Variants in ERG observed in about 807,000 individuals in gnomAD.
ERG encodes transcriptional regulator ERG.
A neutral mutation model predicts 55.3 loss-of-function variants in ERG; 9 were observed. The observed-to-expected ratio is 0.16, with a 90% CI of 0.10 to 0.28. The LOEUF is 0.28. Ranked by LOEUF, ERG falls within the 10% of genes least tolerant of loss-of-function variation. The pLI, the probability that ERG is intolerant of heterozygous loss-of-function variation, is 1.00. For synonymous variants in ERG, 223 were observed against 237.3 expected (o/e 0.94, Z 0.55); for missense variants, 434 against 631.6 (o/e 0.69, Z 3.35).
At chr21:38,582,346 T>C (rs2060035510) in intron 1 of ERG, among the ~76,000 whole-genome samples, 1 of 152,226 alleles carries the variant, frequency 6.6e-6, no homozygotes, top group African/African-American at 2.4e-5. Context: ...ATGTGCTAAC[T>C]TCCGGTAGTC....
intron 2 of ERG, among the ~76,000 whole-genome samples, chr21:38,542,209 C>T (rs575397485): frequency 1.8e-4 from 27 of 152,166 alleles, no homozygotes; most frequent in Admixed American, 1.6e-3. Flanking sequence ...AGGCTGGTCT[C>T]GAACTCCTGA....
chr21:38,383,716 T>C lies in ERG; in HGVS notation c.1127A>G (p.Asn376Ser), dbSNP rs762529914. Residue 376 changes from asparagine to serine, a missense_variant, in exon 10 of 10, where the codon AAC becomes AGC. This residue lies in a region of ERG where 13 missense variants were observed against 76.6 expected (regional missense o/e 0.17). Coordinates refer to ENST00000288319, the MANE Select transcript of ERG (RefSeq NM_182918.4). This position sits in a 1 kb window ranked among gnomAD's most constrained non-coding sequence, Gnocchi z 5.7. ...CTTCCCATGGACCTTGGTCATGATG[T>C]TCTTGTCATAGTAGTAACGGAGGGC... ...SRALRYYYDK[N>S]IMTKVHGKRY... The C allele has an allele frequency of 6.2e-7, 1 of 1,614,176 alleles. No homozygotes were observed. The highest frequency in any genetic ancestry group is 1.7e-5 in the Admixed American group (1 of 60,022).
chr21:38,492,567 A>C (rs1020077871), intron 1 of ERG, among the ~76,000 whole-genome samples: 1 of 152,210 alleles, frequency 6.6e-6, no homozygotes, highest in Non-Finnish European at 1.5e-5. Flanking sequence ...GTCACTGTTG[A>C]GGACACAGAA....
At chr21:38,635,322 T>C (rs2060381652) in intron 1 of ERG, among the ~76,000 whole-genome samples, 2 of 152,052 alleles carry the variant, frequency 1.3e-5, no homozygotes, top group African/African-American at 4.8e-5. Flanking sequence ...TCAAAACCCA[T>C]AAAACATACA....
intron 1 of ERG, among the ~76,000 whole-genome samples, chr21:38,633,526 G>A (rs2060369779): frequency 6.6e-6 from 1 of 152,100 alleles, no homozygotes; most frequent in African/African-American, 2.4e-5. Flanking sequence ...CGTTATCAAC[G>A]AATTCACATA....
intron 3 of ERG, among the ~76,000 whole-genome samples, chr21:38,416,217 T>C (rs766144244): frequency 1.3e-5 from 2 of 152,228 alleles, no homozygotes; most frequent in Admixed American, 6.5e-5. Context: ...TATTCTCTAA[T>C]GTAACTCAGC....
chr21:38,504,367 T>C (rs1026472500), intron 2 of ERG, among the ~76,000 whole-genome samples: 3 of 152,188 alleles, frequency 2.0e-5, no homozygotes, highest in Admixed American at 6.5e-5. Flanking sequence ...CTCAACTCCA[T>C]ATGACTTTAA....
At chr21:38,455,547 A>C (rs1601427246) in intron 1 of ERG, among the ~76,000 whole-genome samples, 1 of 152,170 alleles carries the variant, frequency 6.6e-6, no homozygotes, top group Non-Finnish European at 1.5e-5. Flanking sequence ...TTCAAAACAC[A>C]CAAAGGCTAA....
At chr21:38,591,418 C>T (rs1263363500) in intron 1 of ERG, among the ~76,000 whole-genome samples, 1 of 152,122 alleles carries the variant, frequency 6.6e-6, no homozygotes, top group African/African-American at 2.4e-5. Flanking sequence ...AGTGGCAGTT[C>T]AAAGAAAAGC....
At chr21:38,394,995 A>AGAGT (rs897311809) in intron 6 of ERG, among the ~76,000 whole-genome samples, 1 of 152,244 alleles carries the variant, frequency 6.6e-6, no homozygotes, top group Admixed American at 6.5e-5. Flanking sequence ...TATTCACAAA[A>AGAGT]TCCTTCATAT....
intron 1 of ERG, among the ~76,000 whole-genome samples, chr21:38,609,208 AGAAAATTTGCT>A (rs1183003488): frequency 1.3e-5 from 2 of 152,220 alleles, no homozygotes; most frequent in African/African-American, 4.8e-5. Flanking sequence ...GCAAAGGGGA[AGAAAATTTGCT>A]GAATGCACCA....
chr21:38,454,746 C>T (rs2058971998), intron 1 of ERG, among the ~76,000 whole-genome samples: 1 of 152,192 alleles, frequency 6.6e-6, no homozygotes, highest in African/African-American at 2.4e-5. Context: ...TTCTAACAAG[C>T]CAGATGCAAG....
chr21:38,421,109 T>C (rs1005003552), intron 3 of ERG, among the ~76,000 whole-genome samples: 67 of 152,190 alleles, frequency 4.4e-4, no homozygotes, highest in African/African-American at 1.5e-3. Context: ...CCTGGGACAT[T>C]TGTGTTTCTA....
intron 1 of ERG, among the ~76,000 whole-genome samples, chr21:38,612,174 A>G (rs1346010624): frequency 6.6e-6 from 1 of 152,220 alleles, no homozygotes; most frequent in Admixed American, 6.5e-5. Flanking sequence ...GTTCCAGTTC[A>G]CAAAAGAGGA....
At chr21:38,369,315 G>T in the ERG span, among the ~76,000 whole-genome samples, 1 of 152,130 alleles carries the variant, frequency 6.6e-6, no homozygotes, top group South Asian at 2.1e-4. Flanking sequence ...CATTCTGACT[G>T]GTGTTAGATG....
At chr21:38,388,375 G>A (rs1258469801) in intron 9 of ERG, among the ~76,000 whole-genome samples, 1 of 152,132 alleles carries the variant, frequency 6.6e-6, no homozygotes, top group Non-Finnish European at 1.5e-5. Flanking sequence ...AGAGATGTTG[G>A]GATGCTGACA....
intron 1 of ERG, among the ~76,000 whole-genome samples, chr21:38,606,413 C>T (rs1008152307): frequency 1.3e-5 from 2 of 152,122 alleles, no homozygotes; most frequent in Non-Finnish European, 2.9e-5. Context: ...GAGACACTTT[C>T]ATAGCTTACA....
chr21:38,392,565 CA>C, intron 6 of ERG, 121 bp from the exon 7 acceptor site: 9 of 634,802 alleles, frequency 1.4e-5, no homozygotes, highest in Non-Finnish European at 2.3e-5. Flanking sequence ...TCTGGTAATC[CA>C]AAGAAATATC....
intron 1 of ERG, among the ~76,000 whole-genome samples, chr21:38,459,025 C>T (rs1004517187): frequency 1.3e-5 from 2 of 152,132 alleles, no homozygotes; most frequent in Admixed American, 6.5e-5. Context: ...ATTTGGTTGA[C>T]AATTCCATCC....
Sources: allele counts gnomAD v4.1 joint callset (sites outside exome capture counted in the v4.1 genomes callset), GRCh38; gene constraint gnomAD v4.1.1; regional missense constraint gnomAD v4.1.1; non-coding constraint Gnocchi (gnomAD v3.1); transcripts MANE v1.5; gene names NCBI Gene and HGNC (gene_info 2026-07-23, HGNC 2026-07-21).